Variants in TEX264 observed in about 807,000 individuals in gnomAD.
TEX264 encodes the protein testis-expressed protein 264.
A neutral mutation model predicts 23.4 loss-of-function variants in TEX264; 13 were observed. The observed-to-expected ratio is 0.56, with a 90% CI of 0.36 to 0.88. The LOEUF (loss-of-function observed/expected upper bound fraction) is 0.88. Among genes scored for constraint, TEX264 ranks in the 40% least tolerant of loss-of-function variants. TEX264 has a pLI of 0.01. For synonymous variants in TEX264, 159 were observed against 170.0 expected (o/e 0.94, Z 0.50); for missense variants, 340 against 406.8 (o/e 0.84, Z 1.41).
At chr3:51,692,728 AG>A (rs984828567) in intron 3 of TEX264, among the ~76,000 whole-genome samples, 1 of 152,130 alleles carries the variant, frequency 6.6e-6, no homozygotes, top group Non-Finnish European at 1.5e-5. Flanking sequence ...GATCTTGGAG[AG>A]GGGGTGGGCT....
chr3:51,683,245 T>C (rs1019856429), intron 2 of TEX264: 2 of 152,118 alleles, frequency 1.3e-5, no homozygotes, highest in African/African-American at 4.8e-5. Flanking sequence ...ATCTCTTGGA[T>C]TCAAGATCAT....
rs1702812267 is a variant in TEX264 at position 51,691,082 on chromosome 3, G to A, written c.480+6448G>A. Among the ~76,000 whole-genome samples the A allele has an allele frequency of 6.6e-6, 1 of 152,218 alleles. No homozygotes were observed. Among genetic ancestry groups the A allele is most frequent in the South Asian group, 2.1e-4 (1 of 4,834 alleles). On this transcript the variant is annotated intron_variant, in intron 3 of 4. Transcript: ENST00000341333. The surrounding 1 kb of genome is among the most constrained non-coding windows in gnomAD (Gnocchi z 4.4). The stretch of plus-strand genomic sequence containing the variant: ...TCTTTCTCCAACCCTGGTAGTCACA[G>A]TTGGAGGCTGAGGCTTCAGGTCTAG...
intron 3 of TEX264, among the ~76,000 whole-genome samples, chr3:51,692,202 A>G (rs142031502): frequency 6.6e-6 from 1 of 152,290 alleles, no homozygotes; most frequent in African/African-American, 2.4e-5. Context: ...ACCAGTCCAG[A>G]GGGAGCCTTC....
chr3:51,699,063 G>A (rs1703179718), intron 3 of TEX264, among the ~76,000 whole-genome samples: 1 of 152,142 alleles, frequency 6.6e-6, no homozygotes, highest in African/African-American at 2.4e-5. Flanking sequence ...GTCCAGGGGT[G>A]CCAAGCTTCA....
At chr3:51,675,246 A>G in intron 2 of TEX264, among the ~76,000 whole-genome samples, 1 of 152,140 alleles carries the variant, frequency 6.6e-6, no homozygotes, top group Middle Eastern at 3.2e-3. Flanking sequence ...TGTTCTTACA[A>G]CCTATGGTGA....
chr3:51,681,786 G>A (rs1462898013), intron 2 of TEX264: 1 of 152,264 alleles, frequency 6.6e-6, no homozygotes, highest in African/African-American at 2.4e-5. Flanking sequence ...CCCCTGCTGG[G>A]GCCTGAGGCT....
chr3:51,693,587 C>G (rs1338883938), intron 3 of TEX264, among the ~76,000 whole-genome samples: 1 of 147,798 alleles, frequency 6.8e-6, no homozygotes, highest in Non-Finnish European at 1.5e-5. Flanking sequence ...TCAAGCAATT[C>G]TTCTGCCTCA....
At chr3:51,692,522 C>A (rs1468169250) in intron 3 of TEX264, among the ~76,000 whole-genome samples, 1 of 152,216 alleles carries the variant, frequency 6.6e-6, no homozygotes, top group Non-Finnish European at 1.5e-5. Flanking sequence ...TGTCTCCTCT[C>A]CATTCCCACT....
chr3:51,682,415 A>G (rs1323932911), intron 2 of TEX264: 1 of 152,268 alleles, frequency 6.6e-6, no homozygotes, highest in African/African-American at 2.4e-5. Flanking sequence ...CTGGGGGAGA[A>G]GAGAGTGCCA....
chr3:51,685,714 G>A lies in TEX264; in HGVS notation c.480+1080G>A, dbSNP rs569811704. Among the ~76,000 whole-genome samples the A allele has an allele frequency of 2.0e-5, 3 of 152,382 alleles. No individual in the cohort carries two copies. In the South Asian group the frequency reaches 6.2e-4, roughly 32 times the overall value. ...AGATGAGCTGTCCCATCTCTGGGCAGGGTGGGACTGGACCACAGATCTGGG... is the reference window on the plus strand; with the variant it reads ...AGATGAGCTGTCCCATCTCTGGGCAAGGTGGGACTGGACCACAGATCTGGG... On this transcript the variant is annotated intron_variant, in intron 3 of 4. Coordinates refer to ENST00000341333, the MANE Select transcript of TEX264 (RefSeq NM_015926.6).
intron 3 of TEX264, among the ~76,000 whole-genome samples, chr3:51,688,728 C>T (rs1431969048): frequency 6.6e-6 from 1 of 152,020 alleles, no homozygotes; most frequent in African/African-American, 2.4e-5. Flanking sequence ...TGGAGAAAAG[C>T]GTGTAAGTAA....
chr3:51,681,407 G>A (rs1233519653), intron 2 of TEX264: 1 of 152,352 alleles, frequency 6.6e-6, no homozygotes, highest in Non-Finnish European at 1.5e-5. Flanking sequence ...ATCAGTTACA[G>A]TGCAGCACAA....
At chr3:51,672,860 A>C (rs2106888132) in intron 1 of TEX264, among the ~76,000 whole-genome samples, 1 of 152,346 alleles carries the variant, frequency 6.6e-6, no homozygotes, top group Admixed American at 6.5e-5. Flanking sequence ...GTAAGCATTC[A>C]GTGGAAGATT....
At chr3:51,692,177 TG>T (rs1702853939) in intron 3 of TEX264, among the ~76,000 whole-genome samples, 1 of 152,216 alleles carries the variant, frequency 6.6e-6, no homozygotes, top group South Asian at 2.1e-4. Flanking sequence ...GATGGTGCTG[TG>T]GGGTTGGGCT....
chr3:51,684,136 G>A (rs776650975), intron 2 of TEX264: 1 of 465,940 alleles, frequency 2.1e-6, no homozygotes, highest in Non-Finnish European at 3.9e-6. Flanking sequence ...GAAGGGCAGA[G>A]ACCAAGTCTA....
rs570052162 is a variant in TEX264, at chr3:51,678,189, G to A, written c.258+3627G>A. On this transcript the variant is annotated intron_variant, in intron 2 of 4. Coordinates refer to ENST00000341333, the MANE Select transcript of TEX264 (RefSeq NM_015926.6). ...CCTGCTTCTGCGGTGGGTGCTGGGG[G>A]CTTGGAAAGTGACTTCAGGCTCCCT... Among the ~76,000 whole-genome samples, 17 of 152,312 alleles carry A rather than the reference G, an allele frequency of 1.1e-4. No homozygotes were observed. The South Asian group carries it at 3.5e-3, about 32-fold the overall frequency.
At chr3:51,688,990 G>A (rs553746226) in intron 3 of TEX264, among the ~76,000 whole-genome samples, 5 of 152,010 alleles carry the variant, frequency 3.3e-5, no homozygotes, top group Admixed American at 3.3e-4. Context: ...AATTAGCCAG[G>A]CATTTGTAGT....
chr3:51,692,821 G>A (rs942448465), intron 3 of TEX264, among the ~76,000 whole-genome samples: 1 of 152,224 alleles, frequency 6.6e-6, no homozygotes, highest in African/African-American at 2.4e-5. Context: ...ATGGGATCAG[G>A]GCTGACTCAC....
chr3:51,687,596 T>C (rs1024212748), intron 3 of TEX264, among the ~76,000 whole-genome samples: 1 of 152,200 alleles, frequency 6.6e-6, no homozygotes, highest in Non-Finnish European at 1.5e-5. Context: ...CTGTGAAGGC[T>C]CTTCAAATGG....
Sources: gnomAD v4.1 joint callset for allele counts (sites outside exome capture counted in the v4.1 genomes callset) on GRCh38, gnomAD v4.1.1 for gene constraint, Gnocchi (gnomAD v3.1) non-coding constraint, MANE v1.5 for transcripts, NCBI Gene and HGNC (gene_info 2026-07-23, HGNC 2026-07-21) for gene names.